PLPP3: variants seen among roughly 807,000 people sequenced by gnomAD.
PLPP3 encodes phospholipid phosphatase 3.
Under a neutral mutation model 29.6 loss-of-function variants are expected in PLPP3, and 6 were observed. The observed-to-expected ratio is 0.20, with a 90% CI of 0.11 to 0.40. The LOEUF is 0.40. Ranked by LOEUF, PLPP3 falls within the 10% of genes least tolerant of loss-of-function variation. The probability of loss-of-function intolerance (pLI) is 1.00; values close to 1 mark genes in which losing one functional copy is unlikely to be tolerated. For synonymous variants in PLPP3, 152 were observed against 159.7 expected, an observed-to-expected ratio of 0.95 and a Z score of 0.36; for missense variants, 308 against 407.7, an observed-to-expected ratio of 0.76 and a Z score of 2.11.
chr1:56,556,026 A>G (rs750204524), intron 1 of PLPP3, among the ~76,000 whole-genome samples: 1 of 152,196 alleles, frequency 6.6e-6, no homozygotes, highest in Non-Finnish European at 1.5e-5. Flanking sequence ...ATGTGATGAA[A>G]ATGTATCATT....
At chr1:56,501,366 G>A (rs1353563917) in intron 5 of PLPP3, among the ~76,000 whole-genome samples, 2 of 152,110 alleles carry the variant, frequency 1.3e-5, no homozygotes, top group African/African-American at 4.8e-5. Flanking sequence ...CTATGCCTGT[G>A]ACATTGTCTT....
chr1:56,568,750 G>C (rs527675114), intron 1 of PLPP3, among the ~76,000 whole-genome samples: 85 of 152,024 alleles, frequency 5.6e-4, no homozygotes, highest in Non-Finnish European at 9.9e-4. Context: ...TCAGCCTCCC[G>C]AGTGGCTGGG....
chr1:56,524,549 G>C lies in PLPP3; in HGVS notation c.303C>G (p.Ile101Met). 1.9e-6 allele frequency: 3 copies of C among 1,608,040 alleles called. No homozygotes were observed. The highest frequency in any genetic ancestry group is 1.7e-6 in the Non-Finnish European group (2 of 1,174,766). ...AATAGATCCGGTAGAATTCCCCCGT[G>C]ATGATCTAAAAGGAATCCAACAGGG... is the stretch of plus-strand genomic sequence containing the variant. Reference protein sequence around the residue: ...VGIVIAILAIITGEFYRIYYL... With the variant: ...VGIVIAILAIMTGEFYRIYYL... The change falls in exon 3 of 6, where the codon ATC (isoleucine) becomes ATG (methionine). Residue 101 changes from isoleucine to methionine, a missense_variant. Physicochemically the swap from Ile to Met is conservative, Grantham distance 10 (BLOSUM62 1). Transcript: ENST00000371250. The surrounding 1 kb of genome is among the most constrained non-coding windows in gnomAD (Gnocchi z 4.3).
intron 5 of PLPP3, among the ~76,000 whole-genome samples, chr1:56,501,140 A>G (rs778632413): frequency 5.9e-5 from 9 of 152,086 alleles, no homozygotes; most frequent in Admixed American, 2.0e-4. Flanking sequence ...ACACCTATAC[A>G]GTAAAGACAA....
At chr1:56,523,777 C>A (rs768910283) in intron 4 of PLPP3, 46 bp downstream of exon 4, 1 of 1,569,966 alleles carries the variant, frequency 6.4e-7, no homozygotes. Flanking sequence ...CAGAAGGGAT[C>A]GAAGCTGGAA....
chr1:56,523,099 G>C (rs1213822074), intron 4 of PLPP3, among the ~76,000 whole-genome samples: 1 of 152,120 alleles, frequency 6.6e-6, no homozygotes, highest in Non-Finnish European at 1.5e-5. Context: ...ATCCTCTCTG[G>C]GCCTTGGTCT....
At chr1:56,547,548 G>A (rs1646014022) in intron 1 of PLPP3, among the ~76,000 whole-genome samples, 1 of 152,254 alleles carries the variant, frequency 6.6e-6, no homozygotes, top group South Asian at 2.1e-4. Flanking sequence ...TCAGATGGGT[G>A]GTTAGGCCGG....
At chr1:56,546,959 T>C (rs1395582644) in intron 1 of PLPP3, among the ~76,000 whole-genome samples, 1 of 152,224 alleles carries the variant, frequency 6.6e-6, no homozygotes, top group African/African-American at 2.4e-5. Context: ...AGAAGCCCAC[T>C]AATTCTAAAG....
chr1:56,504,023 T>C (rs542911180), intron 5 of PLPP3, among the ~76,000 whole-genome samples: 26 of 152,274 alleles, frequency 1.7e-4, no homozygotes, highest in African/African-American at 5.5e-4. Flanking sequence ...CCACCCACCT[T>C]GGCCTCCTAA....
chr1:56,573,400 A>C (rs952867887), intron 1 of PLPP3, among the ~76,000 whole-genome samples: 3 of 152,188 alleles, frequency 2.0e-5, no homozygotes, highest in Admixed American at 6.5e-5. Context: ...AACAAACAAA[A>C]AAAGTACAGA....
At chr1:56,542,656 A>C (rs1182128319) in intron 1 of PLPP3, among the ~76,000 whole-genome samples, 2 of 152,158 alleles carry the variant, frequency 1.3e-5, no homozygotes, top group African/African-American at 4.8e-5. Flanking sequence ...ACATCTATCC[A>C]CAAAATAATA....
chr1:56,520,484 G>A (rs1230668733), intron 4 of PLPP3, among the ~76,000 whole-genome samples: 1 of 152,138 alleles, frequency 6.6e-6, no homozygotes, highest in Non-Finnish European at 1.5e-5. Flanking sequence ...CCCTGGGGGA[G>A]GGTCTAAGGG....
rs1272302943 is a variant in PLPP3 at position 56,512,081 on chromosome 1, G to T, written c.705C>A (p.Ile235=). 1.2e-6 allele frequency: 2 copies of T among 1,613,358 alleles called. No homozygotes were observed. Among genetic ancestry groups the T allele is most frequent in the African/African-American group, 2.7e-5 (2 of 74,918 alleles). ...LLRPLLQFTL[I]MMAFYTGLSR... is the part of the protein sequence containing the mutation. ...ACAGTCCCGTGTAGAAGGCCATCAT[G>T]ATCAAGGTGAACTGCAGGAGGGGCC... The change falls in exon 5 of 6, where the codon ATC becomes ATA. Residue 235 remains isoleucine, a synonymous_variant. Coordinates refer to ENST00000371250, the MANE Select transcript of PLPP3 (RefSeq NM_003713.5).
chr1:56,557,082 GA>G (rs1646089182), intron 1 of PLPP3, among the ~76,000 whole-genome samples: 2 of 134,352 alleles, frequency 1.5e-5, no homozygotes, highest in East Asian at 2.2e-4. Flanking sequence ...AAGAAAAAAT[GA>G]GAGAGAGAGA....
chr1:56,542,004 C>T (rs1033129551), intron 1 of PLPP3, among the ~76,000 whole-genome samples: 5 of 150,554 alleles, frequency 3.3e-5, no homozygotes, highest in Non-Finnish European at 5.9e-5. Context: ...GAGTGCAGAC[C>T]GAGACCCAGA....
In PLPP3 at chr1:56,568,116, G is replaced by A. The variant is rs145570871; in HGVS notation, c.139+10762C>T. Among the ~76,000 whole-genome samples the A allele has an allele frequency of 1.6e-3, 240 of 152,258 alleles. 1 individual carries two copies. Among genetic ancestry groups the A allele is most frequent in the African/African-American group, 5.3e-3 (222 of 41,556 alleles). On this transcript the variant is annotated intron_variant, in intron 1 of 5. Transcript: ENST00000371250. ...ATCTATGGAGAAAGAAATTGGATTC[G>A]TGGTTGCCATGAGATGTGGGAAGGT...
chr1:56,524,850 G>A lies in PLPP3; in HGVS notation c.298-296C>T, dbSNP rs1645843255. Among the ~76,000 whole-genome samples the A allele has an allele frequency of 6.6e-6, 1 of 151,704 alleles. No individual in the cohort carries two copies. The highest frequency in any genetic ancestry group is 1.5e-5 in the Non-Finnish European group (1 of 67,936). On this transcript the variant is annotated intron_variant, in intron 2 of 5. Coordinates refer to ENST00000371250, the MANE Select transcript of PLPP3 (RefSeq NM_003713.5). The surrounding 1 kb of genome is among the most constrained non-coding windows in gnomAD (Gnocchi z 4.3). ...TGTGTGTGTATCTTTTTTTTTAAGG[G>A]AGAGACAAGAACTTAACTATAGAAA...
intron 5 of PLPP3, among the ~76,000 whole-genome samples, chr1:56,507,442 C>T (rs1645711023): frequency 6.6e-6 from 1 of 152,116 alleles, no homozygotes; most frequent in South Asian, 2.1e-4. Context: ...GTACTACATA[C>T]CGAGAATAAA....
chr1:56,551,172 G>C (rs1192180874), intron 1 of PLPP3, among the ~76,000 whole-genome samples: 4 of 152,162 alleles, frequency 2.6e-5, no homozygotes, highest in Non-Finnish European at 5.9e-5. Flanking sequence ...ATTATCCACA[G>C]ATGTACACAG....
Sources: gnomAD v4.1 joint callset for allele counts (sites outside exome capture counted in the v4.1 genomes callset) on GRCh38, gnomAD v4.1.1 for gene constraint, Gnocchi (gnomAD v3.1) non-coding constraint, MANE v1.5 for transcripts, NCBI Gene and HGNC (gene_info 2026-07-23, HGNC 2026-07-21) for gene names.